The following CACNA1C variants were observed in gnomAD, a reference collection of about 807,000 sequenced individuals.
The protein encoded by CACNA1C is voltage-dependent L-type calcium channel subunit alpha-1C.
Under a neutral mutation model 229.0 loss-of-function variants are expected in CACNA1C, and 30 were observed. That is an observed-to-expected ratio of 0.13 (90% CI 0.10 to 0.18). The LOEUF (loss-of-function observed/expected upper bound fraction) is 0.18. Among genes scored for constraint, CACNA1C ranks in the 10% least tolerant of loss-of-function variants. The probability of loss-of-function intolerance (pLI) is 1.00; values close to 1 mark genes in which losing one functional copy is unlikely to be tolerated. For missense variants in CACNA1C, 1,658 were observed against 2,845.0 expected (o/e 0.58, Z 9.49); for synonymous variants, 1,114 against 1,132.5 (o/e 0.98, Z 0.33).
At chr12:2,463,119 C>T (rs972832803) in intron 5 of CACNA1C, among the ~76,000 whole-genome samples, 10 of 152,174 alleles carry the variant, frequency 6.6e-5, no homozygotes, top group Middle Eastern at 3.4e-3. Flanking sequence ...ACCGGTTAGC[C>T]AGGATGGTCT....
At chr12:2,374,614 C>T (rs1221645813) in intron 3 of CACNA1C, among the ~76,000 whole-genome samples, 1 of 152,222 alleles carries the variant, frequency 6.6e-6, no homozygotes, top group Non-Finnish European at 1.5e-5. Context: ...CTGGCTTACA[C>T]CCACATAGCA....
intron 3 of CACNA1C, among the ~76,000 whole-genome samples, chr12:2,194,398 T>G (rs1197038930): frequency 7.1e-6 from 1 of 139,942 alleles, no homozygotes; most frequent in East Asian, 2.2e-4. Context: ...CCCCCTCCTC[T>G]TCCTGATTGT....
chr12:2,308,632 G>A (rs759920933), intron 3 of CACNA1C, among the ~76,000 whole-genome samples: 16 of 152,110 alleles, frequency 1.1e-4, no homozygotes, highest in African/African-American at 1.9e-4. Context: ...CTCCAGCTTC[G>A]TTCTTCTTTC....
At chr12:2,634,866 G>A (rs2092212430) in intron 30 of CACNA1C, among the ~76,000 whole-genome samples, 1 of 152,170 alleles carries the variant, frequency 6.6e-6, no homozygotes, top group African/African-American at 2.4e-5. Flanking sequence ...CCTGAGATAA[G>A]GCTAAGACTC....
intron 8 of CACNA1C, among the ~76,000 whole-genome samples, chr12:2,507,131 A>C (rs2099773549): frequency 6.6e-6 from 1 of 152,218 alleles, no homozygotes; most frequent in South Asian, 2.1e-4. Flanking sequence ...CTCTGAACTT[A>C]GGAGTCTTTG....
At position 2,493,831 on chromosome 12, in the gene CACNA1C, A is replaced by G. The variant is rs961941033; in HGVS notation, c.1113+445A>G. Among the ~76,000 whole-genome samples, 1 of 152,236 alleles carries G rather than the reference A, an allele frequency of 6.6e-6. No individual in the cohort carries two copies. Among genetic ancestry groups the G allele is most frequent in the Non-Finnish European group, 1.5e-5 (1 of 68,044 alleles). ...AGTCCTGATCTTCTAAAAAGAAGTT[A>G]TATAAAGAAACCATTTTTATTGAAT... On this transcript the variant is annotated intron_variant, in intron 7 of 46. Coordinates refer to ENST00000399655, the MANE Select transcript of CACNA1C (RefSeq NM_000719.7). The surrounding 1 kb of genome is among the most constrained non-coding windows in gnomAD (Gnocchi z 4.6).
intron 3 of CACNA1C, among the ~76,000 whole-genome samples, chr12:2,376,961 T>C (rs990466270): frequency 6.6e-6 from 1 of 152,026 alleles, no homozygotes; most frequent in Non-Finnish European, 1.5e-5. Context: ...GATCAGGCCT[T>C]TTCTGCTGGG....
chr12:2,101,536 G>T (rs974729892), intron 1 of CACNA1C, among the ~76,000 whole-genome samples: 3 of 152,148 alleles, frequency 2.0e-5, no homozygotes, highest in Non-Finnish European at 2.9e-5. Flanking sequence ...TGAGTGTCAG[G>T]CCTGTGGGTC....
chr12:2,160,246 G>A (rs1232089718), intron 3 of CACNA1C, among the ~76,000 whole-genome samples: 1 of 152,180 alleles, frequency 6.6e-6, no homozygotes, highest in East Asian at 1.9e-4. Flanking sequence ...GAAGCGTGCT[G>A]TATCCACAGA....
At chr12:2,562,711 A>G (rs1477759915) in intron 11 of CACNA1C, among the ~76,000 whole-genome samples, 1 of 152,218 alleles carries the variant, frequency 6.6e-6, no homozygotes, top group Non-Finnish European at 1.5e-5. Flanking sequence ...CCCAAAGTGC[A>G]TTTAGAAATC....
intron 3 of CACNA1C, among the ~76,000 whole-genome samples, chr12:2,121,335 T>C (rs2086632047): frequency 6.6e-6 from 1 of 152,224 alleles, no homozygotes; most frequent in Non-Finnish European, 1.5e-5. Flanking sequence ...GCAGGCAGCT[T>C]ATAGGATTCT....
At chr12:2,254,197 A>G (rs934035820) in intron 3 of CACNA1C, among the ~76,000 whole-genome samples, 1 of 152,130 alleles carries the variant, frequency 6.6e-6, no homozygotes. Context: ...TGTGCTCACC[A>G]CTCGAGAGCC....
chr12:2,343,426 C>T (rs2096918595), intron 3 of CACNA1C, among the ~76,000 whole-genome samples: 1 of 152,126 alleles, frequency 6.6e-6, no homozygotes, highest in African/African-American at 2.4e-5. Flanking sequence ...AAAGAAACAA[C>T]AGAACAAAAC....
intron 29 of CACNA1C, chr12:2,612,769 AC>A (rs2078454054): frequency 1.3e-5 from 2 of 151,904 alleles, no homozygotes; most frequent in Non-Finnish European, 2.9e-5. Context: ...CACACCTTCC[AC>A]CCTGGGCCTC....
intron 9 of CACNA1C, among the ~76,000 whole-genome samples, chr12:2,531,813 T>C (rs886275054): frequency 6.6e-6 from 1 of 151,982 alleles, no homozygotes; most frequent in African/African-American, 2.4e-5. Flanking sequence ...TGCCGGGAGG[T>C]GTCCTGAGGT....
chr12:2,039,137 A>T (rs1378259059), intron 1 of CACNA1C, among the ~76,000 whole-genome samples: 1 of 152,212 alleles, frequency 6.6e-6, no homozygotes, highest in Non-Finnish European at 1.5e-5. Context: ...GACAAATAAG[A>T]GCTGAAACTT....
chr12:1,974,477 C>G lies in CACNA1C; in HGVS notation c.139+3276C>G, dbSNP rs137855022. Among the ~76,000 whole-genome samples the G allele has an allele frequency of 7.6e-3, 1,156 of 152,248 alleles. 11 individuals carry two copies. Among genetic ancestry groups the G allele is most frequent in the African/African-American group, 0.026 (1,095 of 41,536 alleles). ...CCAGCACTATGTAGACACTAATGTACTCGTTTAATGTGTATTTACTATTAC... is the reference window on the plus strand; with the variant it reads ...CCAGCACTATGTAGACACTAATGTAGTCGTTTAATGTGTATTTACTATTAC... On this transcript the variant is annotated intron_variant, in intron 1 of 46. Transcript: ENST00000682462.
chr12:2,318,845 G>A (rs563417125), intron 3 of CACNA1C, among the ~76,000 whole-genome samples: 1 of 151,730 alleles, frequency 6.6e-6, no homozygotes, highest in East Asian at 1.9e-4. Flanking sequence ...AGCGGGCAGA[G>A]AGACAGGGAA....
chr12:2,076,186 C>T (rs2063123199), intron 1 of CACNA1C, among the ~76,000 whole-genome samples: 1 of 152,196 alleles, frequency 6.6e-6, no homozygotes, highest in Non-Finnish European at 1.5e-5. Flanking sequence ...GCCTTCGATT[C>T]CCATCTTTCT....
Sources: allele counts gnomAD v4.1 joint callset (sites outside exome capture counted in the v4.1 genomes callset), GRCh38; gene constraint gnomAD v4.1.1; non-coding constraint Gnocchi (gnomAD v3.1); transcripts MANE v1.5; gene names NCBI Gene and HGNC (gene_info 2026-07-23, HGNC 2026-07-21).